The following INO80 variants were observed in gnomAD, a reference collection of about 807,000 sequenced individuals.
INO80 encodes chromatin-remodeling ATPase INO80.
Under a neutral mutation model 203.4 loss-of-function variants are expected in INO80, and 20 were observed. That is an observed-to-expected ratio of 0.10 (90% CI 0.07 to 0.14). The LOEUF is 0.14. Among genes scored for constraint, INO80 ranks in the 10% least tolerant of loss-of-function variants. The pLI, the probability that INO80 is intolerant of heterozygous loss-of-function variation, is 1.00. For missense variants in INO80, 1,419 were observed against 1,914.4 expected, an observed-to-expected ratio of 0.74 and a Z score of 4.83; for synonymous variants, 726 against 685.2, an observed-to-expected ratio of 1.06 and a Z score of -0.93.
intron 7 of INO80, among the ~76,000 whole-genome samples, chr15:41,085,028 T>C (rs2045539366): frequency 6.6e-6 from 1 of 152,230 alleles, no homozygotes; most frequent in African/African-American, 2.4e-5. Context: ...TGACCTGCCA[T>C]GCCTGGCCTC....
chr15:41,087,156 G>C (rs1192042859), intron 6 of INO80, among the ~76,000 whole-genome samples: 3 of 151,794 alleles, frequency 2.0e-5, no homozygotes, highest in Non-Finnish European at 4.4e-5. Flanking sequence ...AATGGTTGCA[G>C]CAGCTGTACT....
intron 13 of INO80, among the ~76,000 whole-genome samples, chr15:41,070,003 CT>C (rs1193763059): frequency 6.6e-6 from 1 of 151,784 alleles, no homozygotes; most frequent in Non-Finnish European, 1.5e-5. Flanking sequence ...AGAGCTTTTG[CT>C]TTTTTTTCAG....
At chr15:41,029,817 G>GT (rs1451258167) in intron 24 of INO80, among the ~76,000 whole-genome samples, 2 of 152,202 alleles carry the variant, frequency 1.3e-5, no homozygotes, top group African/African-American at 4.8e-5. Flanking sequence ...ATGTAGCCAC[G>GT]TTTTTTGTTT....
chr15:41,004,874 A>G (rs1167094892), intron 28 of INO80: 1 of 152,200 alleles, frequency 6.6e-6, no homozygotes, highest in Non-Finnish European at 1.5e-5. Context: ...AAACAAACTA[A>G]TAACTTTAAG....
chr15:41,043,271 T>C (rs1044937695), intron 24 of INO80, among the ~76,000 whole-genome samples: 14 of 152,160 alleles, frequency 9.2e-5, no homozygotes, highest in African/African-American at 3.1e-4. Context: ...CTGATAAAAA[T>C]GTATTACAGT....
chr15:41,041,310 C>CT (rs1354063411), intron 24 of INO80, among the ~76,000 whole-genome samples: 6 of 151,478 alleles, frequency 4.0e-5, no homozygotes, highest in African/African-American at 1.2e-4. Context: ...AGGCTGGTCT[C>CT]TAACTCCTGG....
chr15:41,023,170 C>A, intron 25 of INO80: 1 of 381,428 alleles, frequency 2.6e-6, no homozygotes, highest in Non-Finnish European at 5.2e-6. Context: ...TCATTTTTCC[C>A]ACTAATACAT....
At chr15:40,983,362 G>T (rs1307500253) in intron 34 of INO80, 1 of 448,480 alleles carries the variant, frequency 2.2e-6, no homozygotes, top group Non-Finnish European at 4.0e-6. Context: ...ATTACAAAGG[G>T]AAGCGACTTG....
chr15:41,045,903 G>GA (rs11303324), intron 23 of INO80, among the ~76,000 whole-genome samples: 2 of 147,058 alleles, frequency 1.4e-5, no homozygotes, highest in African/African-American at 5.1e-5. Flanking sequence ...TTCATCTCGG[G>GA]AAAAAAAAAA....
chr15:40,990,912 C>T (rs1375403696), intron 29 of INO80, among the ~76,000 whole-genome samples: 1 of 152,016 alleles, frequency 6.6e-6, no homozygotes, highest in African/African-American at 2.4e-5. Context: ...AAAATGACCA[C>T]AAATGTGGAA....
At chr15:41,082,529 C>T (rs1024919539) in intron 7 of INO80, among the ~76,000 whole-genome samples, 12 of 151,896 alleles carry the variant, frequency 7.9e-5, no homozygotes, top group African/African-American at 2.4e-4. Context: ...GGTGAATCCC[C>T]GTCTCTACTA....
intron 1 of INO80, among the ~76,000 whole-genome samples, chr15:41,107,228 G>T (rs1191035221): frequency 1.3e-5 from 2 of 152,178 alleles, no homozygotes; most frequent in Non-Finnish European, 2.9e-5. Context: ...CAGAACAGCA[G>T]ATCACACCCA....
chr15:41,072,160 AAAT>A (rs1269929109), intron 11 of INO80, 102 bp from the exon 12 acceptor site: 4 of 709,304 alleles, frequency 5.6e-6, no homozygotes, highest in Middle Eastern at 8.2e-4. Flanking sequence ...GTGCTAAGAA[AAAT>A]AATTGGAACA....
In INO80 at chr15:40,987,068, G is replaced by A. The variant is rs775634161; in HGVS notation, c.3832+23C>T. 8 of 1,342,006 alleles carry A rather than the reference G, an allele frequency of 6.0e-6. No homozygotes were observed. In the South Asian group the frequency reaches 8.2e-5, roughly 14 times the overall value. The allele number at this position is 1,342,006 out of a possible 1,614,324, so 83.1% of individuals were successfully genotyped here. On this transcript the variant is annotated intron_variant, in intron 31 of 35. Transcript: ENST00000648947. Reference sequence around the variant, plus strand: ...CCATTCTCAGATACGTGAGGGGAGTGTATAGAGGTTTAGAGTACATACGTT... The same window carrying A: ...CCATTCTCAGATACGTGAGGGGAGTATATAGAGGTTTAGAGTACATACGTT...
rs1352064620 is a variant in INO80 at position 41,046,222 on chromosome 15, T to C, written c.2736-1147A>G. ...GTATACATACATATATATATATATA[T>C]ATATATATATATATATATATATATA... On this transcript the variant is annotated intron_variant, in intron 23 of 35. Transcript: ENST00000648947. 1.2e-3 allele frequency among the ~76,000 whole-genome samples: 15 copies of C among 12,270 alleles called. 1 individual carries two copies. The highest frequency in any genetic ancestry group is 2.3e-3 in the African/African-American group (15 of 6,420). 8.0% of individuals were successfully genotyped at this position (12,270 alleles called of 152,430 possible). A position where few individuals can be genotyped will look rare whatever the true frequency, so the allele number is the denominator to read the frequency against.
In INO80 at chr15:41,085,504, G is replaced by C. The variant is rs763987370; in HGVS notation, c.738C>G (p.His246Gln). Residue 246 changes from histidine to glutamine, a missense_variant, in exon 7 of 36, where the codon CAC becomes CAG. Around this residue, in one of 9 missense-constraint regions of INO80, gnomAD observed 323 missense variants for 325.4 expected, o/e 0.99. Coordinates refer to ENST00000648947, the MANE Select transcript of INO80 (RefSeq NM_017553.3). ...AAAACTTGGCAAAGACTTTGGTCTG[G>C]TGGTGATGGCGACGAGGGGATTCTT... ...SSEESPRRHH[H>Q]QTKVFAKFSH... 5 of 1,614,186 alleles carry C rather than the reference G, an allele frequency of 3.1e-6. No homozygotes were observed. Among genetic ancestry groups the C allele is most frequent in the Non-Finnish European group, 3.4e-6 (4 of 1,180,046 alleles).
At chr15:41,020,304 T>A (rs1347069745) in intron 26 of INO80, among the ~76,000 whole-genome samples, 1 of 152,184 alleles carries the variant, frequency 6.6e-6, no homozygotes, top group East Asian at 1.9e-4. Flanking sequence ...CATTCCAGTT[T>A]GCCTGCAGGT....
In INO80 at chr15:41,079,819, C is replaced by A; in HGVS notation, c.1013G>T (p.Arg338Leu). The part of the protein sequence containing the change: ...NCKETLPRAR[R>L]LTKEMLLYWK... Reference sequence around the variant, plus strand: ...GTACAGAAGCATCTCCTTGGTGAGGCGGCGGGCACGAGGCAAGGTTTCCTT... The same window carrying A: ...GTACAGAAGCATCTCCTTGGTGAGGAGGCGGGCACGAGGCAAGGTTTCCTT... Residue 338 changes from arginine to leucine, a missense_variant, in exon 9 of 36, where the codon CGC becomes CTC. Arg to Leu is a moderately radical substitution (Grantham distance 102). This residue lies in a region of INO80 where 87 missense variants were observed against 150.5 expected (regional missense o/e 0.58). Transcript: ENST00000648947. 1.2e-6 allele frequency: 2 copies of A among 1,614,096 alleles called. No individual in the cohort carries two copies. The highest frequency in any genetic ancestry group is 1.7e-6 in the Non-Finnish European group (2 of 1,180,008).
In INO80 at chr15:41,079,898, G is replaced by A. The variant is rs780868252; in HGVS notation, c.934C>T (p.His312Tyr). 28 of 1,613,760 alleles carry A rather than the reference G, an allele frequency of 1.7e-5. 1 individual carries two copies. Among genetic ancestry groups the A allele is most frequent in the African/African-American group, 2.7e-5 (2 of 74,898 alleles). The change falls in exon 9 of 36, where the codon CAC becomes TAC. Residue 312 changes from histidine to tyrosine, a missense_variant. By Grantham distance (83) the His-to-Tyr change is moderately conservative. Around this residue, in one of 9 missense-constraint regions of INO80, gnomAD observed 87 missense variants for 150.5 expected, o/e 0.58. Coordinates refer to ENST00000648947, the MANE Select transcript of INO80 (RefSeq NM_017553.3). ...CGACGCACCTCCTTCATGCACTGGT[G>A]AGCAAGCTGAAAACAACAACAGCAT... is the stretch of plus-strand genomic sequence containing the variant. Reference protein sequence around the residue: ...LFLTNSRKLAHQCMKEVRRAA... With the variant: ...LFLTNSRKLAYQCMKEVRRAA...
Sources: allele counts gnomAD v4.1 joint callset (sites outside exome capture counted in the v4.1 genomes callset), GRCh38; gene constraint gnomAD v4.1.1; regional missense constraint gnomAD v4.1.1; transcripts MANE v1.5; gene names NCBI Gene and HGNC (gene_info 2026-07-23, HGNC 2026-07-21).